Variants in WDFY3 observed in about 807,000 individuals in gnomAD.
WDFY3 encodes the protein WD repeat and FYVE domain containing 3.
A neutral mutation model predicts 409.6 loss-of-function variants in WDFY3; 66 were observed. The ratio of observed to expected loss-of-function variants is 0.16; its 90% CI spans 0.13 to 0.20. The LOEUF (loss-of-function observed/expected upper bound fraction) is 0.20. Among genes scored for constraint, WDFY3 ranks in the 10% least tolerant of loss-of-function variants. The pLI, the probability that WDFY3 is intolerant of heterozygous loss-of-function variation, is 1.00. For missense variants in WDFY3, 3,031 were observed against 4,298.1 expected, an observed-to-expected ratio of 0.71 and a Z score of 8.24; for synonymous variants, 1,521 against 1,537.1, an observed-to-expected ratio of 0.99 and a Z score of 0.25.
At chr4:84,843,924 TTTAAC>T (rs1350076865) in intron 5 of WDFY3, among the ~76,000 whole-genome samples, 5 of 152,190 alleles carry the variant, frequency 3.3e-5, no homozygotes, top group African/African-American at 4.8e-5. Flanking sequence ...ATATAAACGA[TTTAAC>T]TTAAGTTTTT....
At chr4:84,923,081 C>A (rs1338304536) in intron 2 of WDFY3, among the ~76,000 whole-genome samples, 1 of 152,106 alleles carries the variant, frequency 6.6e-6, no homozygotes, top group Admixed American at 6.5e-5. Flanking sequence ...TCATCATAGT[C>A]TTTTGGGGTA....
At chr4:84,803,811 A>C (rs1329809802) in intron 15 of WDFY3, 3 of 170,650 alleles carry the variant, frequency 1.8e-5, no homozygotes, top group African/African-American at 7.2e-5. Flanking sequence ...AGAAGATGAC[A>C]GTTCCAATAA....
At chr4:84,958,381 A>G (rs1010901877) in intron 1 of WDFY3, among the ~76,000 whole-genome samples, 1 of 152,218 alleles carries the variant, frequency 6.6e-6, no homozygotes, top group Non-Finnish European at 1.5e-5. Flanking sequence ...GCAGTTCTAT[A>G]ATTCAACAAA....
At chr4:84,816,886 G>A (rs1373687887) in intron 13 of WDFY3, among the ~76,000 whole-genome samples, 1 of 151,966 alleles carries the variant, frequency 6.6e-6, no homozygotes, top group Admixed American at 6.6e-5. Flanking sequence ...CTAAACCTAA[G>A]TTTTCTCATC....
At chr4:84,878,510 GATTA>G (rs1283885373) in intron 3 of WDFY3, among the ~76,000 whole-genome samples, 7 of 152,120 alleles carry the variant, frequency 4.6e-5, no homozygotes, top group South Asian at 2.1e-4. Context: ...TTATACTATT[GATTA>G]ATTAGAATGA....
At chr4:84,815,158 G>A (rs950469097) in intron 13 of WDFY3, among the ~76,000 whole-genome samples, 6 of 152,128 alleles carry the variant, frequency 3.9e-5, no homozygotes, top group African/African-American at 7.2e-5. Context: ...GATGGAGATC[G>A]GGTCACAAGG....
intron 9 of WDFY3, among the ~76,000 whole-genome samples, chr4:84,828,403 TATAAA>T (rs1301609455): frequency 6.6e-5 from 10 of 152,314 alleles, no homozygotes; most frequent in Non-Finnish European, 1.3e-4. Context: ...CTAGAAGTAC[TATAAA>T]ATAAAGAACC....
chr4:84,719,233 C>T (rs990312154), intron 47 of WDFY3, among the ~76,000 whole-genome samples: 4 of 152,176 alleles, frequency 2.6e-5, no homozygotes, highest in African/African-American at 9.7e-5. Context: ...TCTATTCATT[C>T]CCCACCTGGA....
At chr4:84,686,001 C>T (rs560497618) in intron 62 of WDFY3, among the ~76,000 whole-genome samples, 10 of 152,184 alleles carry the variant, frequency 6.6e-5, no homozygotes, top group African/African-American at 1.9e-4. Context: ...CAAATGTTTG[C>T]AGGACCAACC....
chr4:84,744,846 C>A (rs1739112843), intron 36 of WDFY3, among the ~76,000 whole-genome samples: 1 of 121,068 alleles, frequency 8.3e-6, no homozygotes, highest in Non-Finnish European at 1.7e-5. Flanking sequence ...GAGCGAGACT[C>A]CGTCTCAAAA....
In WDFY3 at chr4:84,893,540, C is replaced by T. The variant is rs1471430694; in HGVS notation, c.-32+3371G>A. ...TTACTCAGCCATTTTGAATGGAATCCTTTTCCTCACCTACTGATGATAAAT... is the reference window on the plus strand; with the variant it reads ...TTACTCAGCCATTTTGAATGGAATCTTTTTCCTCACCTACTGATGATAAAT... On this transcript the variant is annotated intron_variant, in intron 3 of 67. Coordinates refer to ENST00000295888, the MANE Select transcript of WDFY3 (RefSeq NM_014991.6). Among the ~76,000 whole-genome samples the T allele has an allele frequency of 1.3e-5, 2 of 152,166 alleles. 1 individual carries two copies. The highest frequency in any genetic ancestry group is 3.8e-4 in the East Asian group (2 of 5,200).
intron 30 of WDFY3, among the ~76,000 whole-genome samples, chr4:84,772,467 T>A (rs143781966): frequency 6.6e-6 from 1 of 152,178 alleles, no homozygotes; most frequent in Non-Finnish European, 1.5e-5. Context: ...TACAGATATA[T>A]GGATATAATT....
intron 43 of WDFY3, among the ~76,000 whole-genome samples, chr4:84,734,685 T>C (rs1446313167): frequency 6.6e-6 from 1 of 152,222 alleles, no homozygotes; most frequent in Admixed American, 6.5e-5. Flanking sequence ...GAGACTTGGA[T>C]GCGTATTTTC....
chr4:84,949,415 G>A (rs1773317350), intron 1 of WDFY3, among the ~76,000 whole-genome samples: 1 of 152,064 alleles, frequency 6.6e-6, no homozygotes, highest in Admixed American at 6.6e-5. Context: ...TAGGAGAAAT[G>A]ACAATGACTA....
At chr4:84,954,638 A>C (rs187555819) in intron 1 of WDFY3, among the ~76,000 whole-genome samples, 1 of 152,306 alleles carries the variant, frequency 6.6e-6, no homozygotes, top group African/African-American at 2.4e-5. Context: ...TTATTTTCTT[A>C]ATTTTCTGAC....
intron 36 of WDFY3, among the ~76,000 whole-genome samples, chr4:84,749,528 C>T (rs1249618182): frequency 6.6e-6 from 1 of 152,156 alleles, no homozygotes; most frequent in Non-Finnish European, 1.5e-5. Context: ...AAACAATGTA[C>T]AGCAGGTCCT....
At position 84,672,709 on chromosome 4, in the gene WDFY3, A is replaced by T; in HGVS notation, c.*159T>A. ...CGCGTCTGCCCCATTCCTGTACTCT[A>T]CACCCGTTTTATTCAATGATCCCTT... is the stretch of plus-strand genomic sequence containing the variant. On this transcript the variant is annotated 3_prime_UTR_variant, in exon 68 of 68. Transcript: ENST00000295888. The T allele has an allele frequency of 9.4e-7, 1 of 1,059,790 alleles. No homozygotes were observed. Among genetic ancestry groups the T allele is most frequent in the Non-Finnish European group, 1.4e-6 (1 of 737,604 alleles). 65.6% of individuals were successfully genotyped at this position (1,059,790 alleles called of 1,614,324 possible).
chr4:84,785,501 C>T (rs939591044), intron 24 of WDFY3, among the ~76,000 whole-genome samples: 2 of 152,116 alleles, frequency 1.3e-5, no homozygotes, highest in African/African-American at 4.8e-5. Flanking sequence ...TATTTTACTG[C>T]ATAGCACCAT....
chr4:84,836,023 T>C (rs527391672), intron 7 of WDFY3, among the ~76,000 whole-genome samples: 17 of 152,278 alleles, frequency 1.1e-4, no homozygotes, highest in South Asian at 8.3e-4. Flanking sequence ...TTGATTGGGT[T>C]AAAAAAACAT....
Sources: gnomAD v4.1 joint callset for allele counts (sites outside exome capture counted in the v4.1 genomes callset) on GRCh38, gnomAD v4.1.1 for gene constraint, MANE v1.5 for transcripts, NCBI Gene and HGNC (gene_info 2026-07-23, HGNC 2026-07-21) for gene names.